RBFOX1: variants seen among roughly 807,000 people sequenced by gnomAD.
RBFOX1 encodes the protein RNA binding protein fox-1 homolog 1.
A neutral mutation model predicts 57.7 loss-of-function variants in RBFOX1; 8 were observed. The ratio of observed to expected loss-of-function variants is 0.14; its 90% confidence interval spans 0.08 to 0.25. The LOEUF is 0.25. Ranked by LOEUF, RBFOX1 falls within the 10% of genes least tolerant of loss-of-function variation. RBFOX1 has a pLI of 1.00. For synonymous variants in RBFOX1, 326 were observed against 222.4 expected (o/e 1.47, Z -4.15); for missense variants, 611 against 548.5 (o/e 1.11, Z -1.14).
intron 1 of RBFOX1, among the ~76,000 whole-genome samples, chr16:6,256,770 C>T (rs891662663): frequency 6.6e-6 from 1 of 152,000 alleles, no homozygotes; most frequent in African/African-American, 2.4e-5. Context: ...AAAATGTCCC[C>T]AGACATTGAC....
At position 5,749,815 on chromosome 16, in the gene RBFOX1, C is replaced by A. The variant is rs560696386; in HGVS notation, c.319-117488C>A. 1.7e-3 allele frequency among the ~76,000 whole-genome samples: 255 copies of A among 152,294 alleles called. 1 individual carries two copies. Among genetic ancestry groups the A allele is most frequent in the African/African-American group, 6.0e-3 (251 of 41,554 alleles). On this transcript the variant is annotated intron_variant, in intron 3 of 19. Coordinates refer to the RBFOX1 transcript ENST00000641259. The stretch of plus-strand genomic sequence containing the variant: ...GCTTCTTTGCGATGGGTTCGAACTT[C>A]CTCCGTTAGTTCAGAGAAGTTTGAT...
In RBFOX1 at chr16:6,158,806, G is replaced by T. The variant is rs146884803; in HGVS notation, c.-127+138814G>T. Among the ~76,000 whole-genome samples, 240 of 152,232 alleles carry T rather than the reference G, an allele frequency of 1.6e-3. 2 individuals carry two copies. Among genetic ancestry groups the T allele is most frequent in the African/African-American group, 5.1e-3 (213 of 41,550 alleles). On this transcript the variant is annotated intron_variant, in intron 1 of 15. Transcript: ENST00000550418. Reference sequence around the variant, plus strand: ...CTCTGGGAAACTGGGGAGAGGGCACGTCTGGGAATTTGAATTCTAAGAGAG... The same window carrying T: ...CTCTGGGAAACTGGGGAGAGGGCACTTCTGGGAATTTGAATTCTAAGAGAG...
intron 4 of RBFOX1, among the ~76,000 whole-genome samples, chr16:7,059,717 A>AT (rs1462323265): frequency 1.3e-5 from 2 of 152,176 alleles, no homozygotes; most frequent in African/African-American, 4.8e-5. Flanking sequence ...ACAGCATCCT[A>AT]TGTAGTGACT....
chr16:5,573,240 G>T (rs1161753739), intron 2 of RBFOX1, among the ~76,000 whole-genome samples: 1 of 152,148 alleles, frequency 6.6e-6, no homozygotes, highest in Non-Finnish European at 1.5e-5. Flanking sequence ...AAAAGGGAGT[G>T]TCCACGTTTC....
intron 4 of RBFOX1, among the ~76,000 whole-genome samples, chr16:7,251,262 G>A (rs1467046326): frequency 2.6e-5 from 4 of 151,866 alleles, no homozygotes; most frequent in Non-Finnish European, 5.9e-5. Context: ...GTGAAATCAC[G>A]CAGTATTTGT....
Position 7,049,058 on chromosome 16 carries a change from G to A in RBFOX1, c.-15-2999G>A, listed in dbSNP as rs574118198. Among the ~76,000 whole-genome samples, 21 of 152,244 alleles carry A rather than the reference G, an allele frequency of 1.4e-4. No homozygotes were observed. In the South Asian group the frequency reaches 4.1e-3, roughly 30 times the overall value. On this transcript the variant is annotated intron_variant, in intron 3 of 15. Transcript: ENST00000550418. Reference sequence around the variant, plus strand: ...ACATTTTAGGGTCAGATACAGACATGAGCACAGAGGTCAGTGCAGGAGTTT... The same window carrying A: ...ACATTTTAGGGTCAGATACAGACATAAGCACAGAGGTCAGTGCAGGAGTTT...
intron 3 of RBFOX1, among the ~76,000 whole-genome samples, chr16:6,956,486 T>C (rs969416604): frequency 3.3e-5 from 5 of 152,116 alleles, no homozygotes; most frequent in Non-Finnish European, 5.9e-5. Flanking sequence ...AGAGATGGTA[T>C]TGAAGATTTT....
chr16:6,529,743 G>A (rs1449891730), intron 2 of RBFOX1, among the ~76,000 whole-genome samples: 1 of 152,094 alleles, frequency 6.6e-6, no homozygotes, highest in East Asian at 1.9e-4. Flanking sequence ...GGAAGAAGGT[G>A]TTTAAAGTTC....
intron 4 of RBFOX1, among the ~76,000 whole-genome samples, chr16:6,006,268 C>T (rs1057504220): frequency 3.9e-5 from 6 of 151,936 alleles, no homozygotes; most frequent in Non-Finnish European, 7.4e-5. Context: ...TGTGGCTGGT[C>T]AGAGGGCTGC....
chr16:5,923,424 C>A (rs1399054372), intron 4 of RBFOX1, among the ~76,000 whole-genome samples: 1 of 151,392 alleles, frequency 6.6e-6, no homozygotes, highest in African/African-American at 2.4e-5. Context: ...GCCCCAGCTC[C>A]AGCAAGGACA....
intron 3 of RBFOX1, among the ~76,000 whole-genome samples, chr16:6,906,998 A>G (rs896020803): frequency 6.6e-6 from 1 of 152,298 alleles, no homozygotes; most frequent in East Asian, 1.9e-4. Flanking sequence ...TGCTAGGATT[A>G]CAGGCATGAG....
intron 4 of RBFOX1, among the ~76,000 whole-genome samples, chr16:7,450,295 G>A (rs901234982): frequency 6.6e-6 from 1 of 150,948 alleles, no homozygotes; most frequent in Admixed American, 6.6e-5. Flanking sequence ...TTGGGAGGCT[G>A]AGGCAGGAGA....
intron 3 of RBFOX1, among the ~76,000 whole-genome samples, chr16:6,743,271 A>G (rs1443056846): frequency 6.6e-6 from 1 of 152,188 alleles, no homozygotes. Context: ...AGGAAAAGGG[A>G]AAGTTGGGAC....
intron 2 of RBFOX1, among the ~76,000 whole-genome samples, chr16:6,414,537 G>A (rs2093566092): frequency 6.6e-6 from 1 of 152,166 alleles, no homozygotes; most frequent in Non-Finnish European, 1.5e-5. Context: ...TTCCGGCAGT[G>A]ACAAGTGCAA....
chr16:7,496,195 G>A (rs374787486), intron 4 of RBFOX1, among the ~76,000 whole-genome samples: 144 of 152,286 alleles, frequency 9.5e-4, no homozygotes, highest in African/African-American at 3.3e-3. Context: ...CCAGGTTGGA[G>A]TACAGTGGCA....
At chr16:5,853,095 A>G (rs962113001) in intron 3 of RBFOX1, among the ~76,000 whole-genome samples, 4 of 152,092 alleles carry the variant, frequency 2.6e-5, no homozygotes, top group African/African-American at 9.7e-5. Context: ...TGGATATTGG[A>G]GTCATCTCTT....
In RBFOX1 at chr16:7,711,257, A is replaced by G. The variant is rs1030132179; in HGVS notation, c.*512A>G. 6 of 152,540 alleles carry G rather than the reference A, an allele frequency of 3.9e-5. No homozygotes were observed. Among genetic ancestry groups the G allele is most frequent in the East Asian group, 1.9e-4 (1 of 5,176 alleles). The allele number at this position is 152,540 out of a possible 1,614,324, so 9.4% of individuals were successfully genotyped here. A position where few individuals can be genotyped will look rare whatever the true frequency, so the allele number is the denominator to read the frequency against. On this transcript the variant is annotated 3_prime_UTR_variant, in exon 16 of 16. Transcript: ENST00000550418. The stretch of plus-strand genomic sequence containing the variant: ...AAAAAAAAATGTAACTGATGAATCT[A>G]AACGACCCACTGCACCAACAATCAT...
At chr16:7,001,871 C>G (rs1215868191) in intron 3 of RBFOX1, among the ~76,000 whole-genome samples, 2 of 152,102 alleles carry the variant, frequency 1.3e-5, no homozygotes, top group Admixed American at 6.5e-5. Context: ...CTCAACTTTT[C>G]TTATTAAGTG....
At chr16:6,901,450 C>T (rs958626948) in intron 3 of RBFOX1, among the ~76,000 whole-genome samples, 4 of 152,114 alleles carry the variant, frequency 2.6e-5, no homozygotes, top group Admixed American at 6.6e-5. Context: ...CAAAGGGTGC[C>T]TGGCCTATGT....
Sources: allele counts gnomAD v4.1 joint callset (sites outside exome capture counted in the v4.1 genomes callset), GRCh38; gene constraint gnomAD v4.1.1; transcripts MANE v1.5; gene names NCBI Gene and HGNC (gene_info 2026-07-23, HGNC 2026-07-21).